PTPRR: variants seen among roughly 807,000 people sequenced by gnomAD.
PTPRR encodes protein tyrosine phosphatase receptor type R.
PTPRR carries 38 observed loss-of-function variants against 77.2 expected under a neutral mutation model. The observed-to-expected ratio is 0.49, with a 90% CI of 0.38 to 0.65. The LOEUF (loss-of-function observed/expected upper bound fraction) is 0.65, where lower values mean the gene tolerates loss of function less well. Among genes scored for constraint, PTPRR ranks in the 30% least tolerant of loss-of-function variants. PTPRR has a pLI of 0.00. For synonymous variants in PTPRR, 299 were observed against 283.1 expected (o/e 1.06, Z -0.57); for missense variants, 744 against 799.2 (o/e 0.93, Z 0.83).
chr12:70,840,625 T>A (rs2137059318), intron 2 of PTPRR, among the ~76,000 whole-genome samples: 1 of 152,204 alleles, frequency 6.6e-6, no homozygotes, highest in South Asian at 2.1e-4. Context: ...GGGCAGAGGT[T>A]TAAGAGAGTG....
intron 2 of PTPRR, among the ~76,000 whole-genome samples, chr12:70,797,752 A>G (rs1565700588): frequency 6.6e-6 from 1 of 152,130 alleles, no homozygotes; most frequent in Non-Finnish European, 1.5e-5. Context: ...CTTCTGTGGC[A>G]TCATATATTC....
intron 6 of PTPRR, among the ~76,000 whole-genome samples, chr12:70,738,766 A>G (rs181415828): frequency 6.6e-6 from 1 of 152,344 alleles, no homozygotes; most frequent in African/African-American, 2.4e-5. Flanking sequence ...ACAAAAGACA[A>G]GAGGGAACAT....
chr12:70,667,030 A>G (rs931162583), intron 10 of PTPRR, among the ~76,000 whole-genome samples: 2 of 130,700 alleles, frequency 1.5e-5, no homozygotes, highest in Non-Finnish European at 3.1e-5. Context: ...ATCTTGGCTC[A>G]CTGCAAGCTC....
chr12:70,713,430 G>A (rs1378848432), intron 6 of PTPRR, among the ~76,000 whole-genome samples: 6 of 152,076 alleles, frequency 3.9e-5, no homozygotes, highest in African/African-American at 1.4e-4. Context: ...GAATTTCTGG[G>A]TTATATGGTA....
rs1473117910 is a variant in PTPRR at position 70,661,076 on chromosome 12, C to T, written c.1630G>A (p.Val544Met). 1 of 1,611,704 alleles carries T rather than the reference C, an allele frequency of 6.2e-7. No individual in the cohort carries two copies. Among genetic ancestry groups the T allele is most frequent in the African/African-American group, 1.3e-5 (1 of 75,028 alleles). The change falls in exon 12 of 14, where the codon GTG becomes ATG. Residue 544 changes from valine (V) to methionine (M), a missense_variant. Val to Met is a conservative substitution (Grantham distance 21). Around this residue, in one of 3 missense-constraint regions of PTPRR, gnomAD observed 170 missense variants for 209.8 expected, o/e 0.81. Coordinates refer to ENST00000283228, the MANE Select transcript of PTPRR (RefSeq NM_002849.4). ...VLKQGSHTQHVKHYWYTSWPD... is the reference protein window; with the variant it reads ...VLKQGSHTQHMKHYWYTSWPD... ...CATGAGGTGTACCAGTAATGCTTCA[C>T]ATGTTGGGTGTGGCTTCCTTGCTGA...
intron 13 of PTPRR, among the ~76,000 whole-genome samples, chr12:70,655,280 C>T (rs1253476085): frequency 6.6e-6 from 1 of 152,174 alleles, no homozygotes; most frequent in Non-Finnish European, 1.5e-5. Context: ...TGGAACCCTC[C>T]TGTGTTGTTG....
chr12:70,821,673 T>C (rs7972239), intron 2 of PTPRR, among the ~76,000 whole-genome samples: 22,438 of 151,728 alleles, frequency 0.15, 2,112 homozygotes, highest in African/African-American at 0.26. Flanking sequence ...TATGTATTTA[T>C]TTTTTTGAGA....
intron 13 of PTPRR, among the ~76,000 whole-genome samples, chr12:70,655,730 A>C (rs1566046254): frequency 6.6e-6 from 1 of 152,224 alleles, no homozygotes; most frequent in Non-Finnish European, 1.5e-5. Flanking sequence ...GGCAGTTACC[A>C]GTTGGGCTGA....
intron 5 of PTPRR, among the ~76,000 whole-genome samples, chr12:70,750,294 T>C (rs1890349910): frequency 6.6e-6 from 1 of 152,220 alleles, no homozygotes; most frequent in Non-Finnish European, 1.5e-5. Context: ...ACCCATGCTT[T>C]TCATTTCTAC....
intron 2 of PTPRR, among the ~76,000 whole-genome samples, chr12:70,786,646 C>T (rs185427527): frequency 4.9e-4 from 74 of 152,302 alleles, no homozygotes; most frequent in East Asian, 2.1e-3. Context: ...AAGTCTAATG[C>T]TCCGTGGAAG....
At chr12:70,900,342 T>G (rs10082978) in intron 1 of PTPRR, among the ~76,000 whole-genome samples, 43,780 of 151,274 alleles carry the variant, frequency 0.29, 7,209 homozygotes, top group East Asian at 0.48. Flanking sequence ...TGCAGAAGCA[T>G]GAAATTGGAT....
intron 2 of PTPRR, among the ~76,000 whole-genome samples, chr12:70,841,982 A>G (rs748601681): frequency 5.3e-5 from 8 of 152,300 alleles, no homozygotes; most frequent in Non-Finnish European, 1.0e-4. Context: ...ACCAGGTCCC[A>G]TATCTTCAAA....
chr12:70,883,250 A>G (rs982960907), intron 2 of PTPRR, among the ~76,000 whole-genome samples: 1 of 152,116 alleles, frequency 6.6e-6, no homozygotes, highest in Non-Finnish European at 1.5e-5. Context: ...GACAAGAACA[A>G]AACTCCATCT....
intron 2 of PTPRR, among the ~76,000 whole-genome samples, chr12:70,794,050 C>T (rs1891467208): frequency 6.6e-6 from 1 of 152,106 alleles, no homozygotes; most frequent in Non-Finnish European, 1.5e-5. Context: ...TACTAATGAA[C>T]TATTTAACAA....
At chr12:70,842,963 G>A (rs1291277991) in intron 2 of PTPRR, among the ~76,000 whole-genome samples, 2 of 152,104 alleles carry the variant, frequency 1.3e-5, no homozygotes, top group African/African-American at 4.8e-5. Context: ...AGAACATTTT[G>A]TGCAGATAGG....
intron 2 of PTPRR, among the ~76,000 whole-genome samples, chr12:70,864,204 A>G (rs1040201117): frequency 1.5e-4 from 23 of 152,146 alleles, no homozygotes; most frequent in African/African-American, 5.3e-4. Context: ...CCTAATCCCT[A>G]GCATGACCCA....
intron 2 of PTPRR, among the ~76,000 whole-genome samples, chr12:70,779,166 CT>C (rs71899092): frequency 0.19 from 27,210 of 143,252 alleles, 2,646 homozygotes; most frequent in African/African-American, 0.26. Flanking sequence ...ATTTTTAAAT[CT>C]TTTTTTTTTT....
At chr12:70,861,226 G>T (rs913189496) in intron 2 of PTPRR, among the ~76,000 whole-genome samples, 4 of 152,130 alleles carry the variant, frequency 2.6e-5, no homozygotes, top group African/African-American at 9.7e-5. Flanking sequence ...GAGGTGGGAT[G>T]CTCACATGGG....
rs541869209 is a variant in PTPRR, at chr12:70,771,718, A to G, written c.358-6940T>C. Among the ~76,000 whole-genome samples, 5 of 152,266 alleles carry G rather than the reference A, an allele frequency of 3.3e-5. No individual in the cohort carries two copies. The East Asian group carries it at 5.8e-4, about 18-fold the overall frequency. On this transcript the variant is annotated intron_variant, in intron 2 of 13. Transcript: ENST00000283228. Reference sequence around the variant, plus strand: ...CAGAATGGAATCTGTGGCCAAGTGTATTTCAGTTATCCATCTTCAATTTGT... The same window carrying G: ...CAGAATGGAATCTGTGGCCAAGTGTGTTTCAGTTATCCATCTTCAATTTGT...
Sources: gnomAD v4.1 joint callset for allele counts (sites outside exome capture counted in the v4.1 genomes callset) on GRCh38, gnomAD v4.1.1 for gene constraint, gnomAD v4.1.1 regional missense constraint, MANE v1.5 for transcripts, NCBI Gene and HGNC (gene_info 2026-07-23, HGNC 2026-07-21) for gene names.